Variants in TGFB3 observed in about 807,000 individuals in gnomAD.
TGFB3 encodes the protein transforming growth factor beta 3.
A neutral mutation model predicts 40.1 loss-of-function variants in TGFB3; 5 were observed. The observed-to-expected ratio is 0.12, with a 90% CI of 0.07 to 0.26. TGFB3 has a LOEUF of 0.26. Among genes scored for constraint, TGFB3 ranks in the 10% least tolerant of loss-of-function variants. The pLI, the probability that TGFB3 is intolerant of heterozygous loss-of-function variation, is 1.00. For synonymous variants in TGFB3, 184 were observed against 205.6 expected (o/e 0.89, Z 0.90); for missense variants, 373 against 530.1 (o/e 0.70, Z 2.91).
Position 75,979,698 on chromosome 14 carries a change from C to CG in TGFB3, c.352+843_352+844insC, listed in dbSNP as rs1011666119. ...GGGACGGCAGGCTCCCAGACATATC[C>CG]CCCCCCCCCACCATGCACCCACTGC... On this transcript the variant is annotated intron_variant, in intron 1 of 6. Coordinates refer to ENST00000238682, the MANE Select transcript of TGFB3 (RefSeq NM_003239.5). The surrounding 1 kb of genome is among the most constrained non-coding windows in gnomAD (Gnocchi z 4.8). Among the ~76,000 whole-genome samples, 3 of 146,494 alleles carry CG rather than the reference C, an allele frequency of 2.0e-5. No homozygotes were observed. Among genetic ancestry groups the CG allele is most frequent in the Admixed American group, 6.8e-5 (1 of 14,812 alleles).
At chr14:75,977,843 T>TA (rs2035373405) in intron 1 of TGFB3, among the ~76,000 whole-genome samples, 1 of 151,978 alleles carries the variant, frequency 6.6e-6, no homozygotes, top group Non-Finnish European at 1.5e-5. Flanking sequence ...AGGTAACACT[T>TA]ACAACGTGTA....
rs1350086851 is a variant in TGFB3, at chr14:75,981,457, T to A, written c.-564A>T. On this transcript the variant is annotated 5_prime_UTR_variant, in exon 1 of 7. Coordinates refer to ENST00000238682, the MANE Select transcript of TGFB3 (RefSeq NM_003239.5). This position sits in a 1 kb window ranked among gnomAD's most constrained non-coding sequence, Gnocchi z 4.7. ...AAAAAAAAGATCACCAGTGAGTAGG[T>A]GGGGAGAAGCAGGGCCGGGCAGTTG... 2.3e-5 allele frequency: 4 copies of A among 176,044 alleles called. No homozygotes were observed. The highest frequency in any genetic ancestry group is 1.1e-4 in the Admixed American group (2 of 18,236). The allele number at this position is 176,044 out of a possible 1,614,324, so 10.9% of individuals were successfully genotyped here. A position where few individuals can be genotyped will look rare whatever the true frequency, so the allele number is the denominator to read the frequency against.
At chr14:75,961,906 T>C (rs562953674) in intron 5 of TGFB3, among the ~76,000 whole-genome samples, 1 of 152,224 alleles carries the variant, frequency 6.6e-6, no homozygotes, top group African/African-American at 2.4e-5. Context: ...GACCCAGTAA[T>C]GACCCATCAG....
rs200470215 is a variant in TGFB3 at position 75,974,188 on chromosome 14, C to CA, written c.353-2471dup. Among the ~76,000 whole-genome samples the CA allele has an allele frequency of 6.0e-4, 91 of 151,934 alleles. 2 individuals are homozygous for CA. In the East Asian group the frequency reaches 0.017, roughly 28 times the overall value. On this transcript the variant is annotated intron_variant, in intron 1 of 6. Coordinates refer to ENST00000238682, the MANE Select transcript of TGFB3 (RefSeq NM_003239.5). ...AAATGGCACTTGCTGGTGAGACAGT[C>CA]AGAGTGGGTCAAGGCAGTGGGAAGC...
Position 75,979,485 on chromosome 14 carries a change from G to T in TGFB3, c.352+1057C>A, listed in dbSNP as rs1286740634. On this transcript the variant is annotated intron_variant, in intron 1 of 6. Coordinates refer to ENST00000238682, the MANE Select transcript of TGFB3 (RefSeq NM_003239.5). The surrounding 1 kb of genome is among the most constrained non-coding windows in gnomAD (Gnocchi z 4.8). ...AACAGAGCTGCTCCCGGAGTCTACGGCCCACGAGTGGCTCACATTCCTCTT... is the reference window on the plus strand; with the variant it reads ...AACAGAGCTGCTCCCGGAGTCTACGTCCCACGAGTGGCTCACATTCCTCTT... 6.6e-6 allele frequency among the ~76,000 whole-genome samples: 1 copy of T among 152,142 alleles called. No homozygotes were observed. The highest frequency in any genetic ancestry group is 2.4e-5 in the African/African-American group (1 of 41,418).
intron 5 of TGFB3, among the ~76,000 whole-genome samples, chr14:75,962,729 T>G (rs1566679191): frequency 6.6e-6 from 1 of 152,224 alleles, no homozygotes; most frequent in Admixed American, 6.5e-5. Flanking sequence ...TTGGCATGCA[T>G]ACTTTATCCT....
chr14:75,982,153 T>C (rs1182916462), upstream of TGFB3, among the ~76,000 whole-genome samples: 1 of 152,262 alleles, frequency 6.6e-6, no homozygotes, highest in Non-Finnish European at 1.5e-5. This position sits in a 1 kb window ranked among gnomAD's most constrained non-coding sequence, Gnocchi z 4.0. Context: ...GAAAAATACT[T>C]TGCGAGTCCT....
At chr14:75,974,885 G>A (rs1303007471) in intron 1 of TGFB3, among the ~76,000 whole-genome samples, 1 of 151,994 alleles carries the variant, frequency 6.6e-6, no homozygotes, top group Non-Finnish European at 1.5e-5. Context: ...GAGCTCAGGT[G>A]TTTGAGACCA....
At position 75,979,658 on chromosome 14, in the gene TGFB3, C is replaced by T. The variant is rs2035397680; in HGVS notation, c.352+884G>A. On this transcript the variant is annotated intron_variant, in intron 1 of 6. Coordinates refer to ENST00000238682, the MANE Select transcript of TGFB3 (RefSeq NM_003239.5). This position sits in a 1 kb window ranked among gnomAD's most constrained non-coding sequence, Gnocchi z 4.8. ...CCAGAAGCCGCCCGGCTCCTCCATG[C>T]AGACAGAGCCTCCTGGGACGGCAGG... Among the ~76,000 whole-genome samples, 2 of 152,012 alleles carry T rather than the reference C, an allele frequency of 1.3e-5. No individual in the cohort carries two copies. Among genetic ancestry groups the T allele is most frequent in the African/African-American group, 4.8e-5 (2 of 41,366 alleles).
At position 75,979,667 on chromosome 14, in the gene TGFB3, C is replaced by T. The variant is rs1466959188; in HGVS notation, c.352+875G>A. Among the ~76,000 whole-genome samples the T allele has an allele frequency of 6.6e-6, 1 of 152,040 alleles. No homozygotes were observed. The highest frequency in any genetic ancestry group is 2.1e-4 in the South Asian group (1 of 4,818). On this transcript the variant is annotated intron_variant, in intron 1 of 6. Coordinates refer to ENST00000238682, the MANE Select transcript of TGFB3 (RefSeq NM_003239.5). The surrounding 1 kb of genome is among the most constrained non-coding windows in gnomAD (Gnocchi z 4.8). The stretch of plus-strand genomic sequence containing the variant: ...GCCCGGCTCCTCCATGCAGACAGAG[C>T]CTCCTGGGACGGCAGGCTCCCAGAC...
At chr14:75,972,752 A>G (rs1049333301) in intron 1 of TGFB3, among the ~76,000 whole-genome samples, 1 of 152,166 alleles carries the variant, frequency 6.6e-6, no homozygotes, top group Non-Finnish European at 1.5e-5. Flanking sequence ...AAAAGGTTAA[A>G]TTTTAACCCA....
Position 75,971,673 on chromosome 14 carries a change from C to T in TGFB3, c.398G>A (p.Arg133His), listed in dbSNP as rs761890018. ...TTTCTCCACTGAGGACACATTGAAG[C>T]GGAAAACCTTGGAGGTAATTCCTTT... ...CPKGITSKVF[R>H]FNVSSVEKNR... Residue 133 changes from arginine to histidine, a missense_variant, in exon 2 of 7, where the codon CGC (arginine) becomes CAC (histidine). Coordinates refer to ENST00000238682, the MANE Select transcript of TGFB3 (RefSeq NM_003239.5). The surrounding 1 kb of genome is among the most constrained non-coding windows in gnomAD (Gnocchi z 4.5). 7.4e-6 allele frequency: 12 copies of T among 1,614,190 alleles called. No individual in the cohort carries two copies. Among genetic ancestry groups the T allele is most frequent in the African/African-American group, 1.3e-5 (1 of 75,028 alleles).
intron 1 of TGFB3, among the ~76,000 whole-genome samples, chr14:75,974,624 G>C (rs184518726): frequency 4.6e-5 from 7 of 152,120 alleles, no homozygotes; most frequent in African/African-American, 1.7e-4. Flanking sequence ...AATTAGCCAG[G>C]CATGATGGTG....
rs930624318 is a variant in TGFB3, at chr14:75,979,703, C to T, written c.352+839G>A. On this transcript the variant is annotated intron_variant, in intron 1 of 6. Transcript: ENST00000238682. This position sits in a 1 kb window ranked among gnomAD's most constrained non-coding sequence, Gnocchi z 4.8. ...GGCAGGCTCCCAGACATATCCCCCC[C>T]CCCCACCATGCACCCACTGCCACCC... is the stretch of plus-strand genomic sequence containing the variant. Among the ~76,000 whole-genome samples, 6 of 150,572 alleles carry T rather than the reference C, an allele frequency of 4.0e-5. No individual in the cohort carries two copies. The highest frequency in any genetic ancestry group is 1.9e-4 in the East Asian group (1 of 5,148).
intron 3 of TGFB3, among the ~76,000 whole-genome samples, chr14:75,968,454 G>A (rs1330699365): frequency 6.6e-6 from 1 of 152,188 alleles, no homozygotes; most frequent in Non-Finnish European, 1.5e-5. Context: ...TCTTTTTGAT[G>A]TCTCAGGAGG....
At chr14:75,961,181 G>A in intron 5 of TGFB3, 105 bp from the exon 6 acceptor site, 2 of 1,349,246 alleles carry the variant, frequency 1.5e-6, no homozygotes, top group Non-Finnish European at 2.1e-6. Flanking sequence ...GCCATCATAG[G>A]TGGCTCTGAT....
At chr14:75,977,656 CAAAA>C (rs1196922250) in intron 1 of TGFB3, among the ~76,000 whole-genome samples, 3 of 67,346 alleles carry the variant, frequency 4.5e-5, no homozygotes, top group Non-Finnish European at 9.2e-5. Flanking sequence ...ATCTCCCGGG[CAAAA>C]AAAAAAAAAA....
intron 4 of TGFB3, among the ~76,000 whole-genome samples, chr14:75,965,202 A>G (rs2035207032): frequency 6.6e-6 from 1 of 152,182 alleles, no homozygotes; most frequent in Non-Finnish European, 1.5e-5. Flanking sequence ...TCTTTTAGGG[A>G]GGAGGAAGAC....
intron 1 of TGFB3, among the ~76,000 whole-genome samples, chr14:75,977,376 C>T (rs1052719721): frequency 7.2e-5 from 11 of 152,170 alleles, no homozygotes; most frequent in East Asian, 1.9e-4. Flanking sequence ...TACTCCCTCC[C>T]GACAGTAAAA....
Sources: gnomAD v4.1 joint callset for allele counts (sites outside exome capture counted in the v4.1 genomes callset) on GRCh38, gnomAD v4.1.1 for gene constraint, Gnocchi (gnomAD v3.1) non-coding constraint, MANE v1.5 for transcripts, NCBI Gene and HGNC (gene_info 2026-07-23, HGNC 2026-07-21) for gene names.